Variants in MTMR10 observed in about 807,000 individuals in gnomAD.
MTMR10 encodes myotubularin-related protein 10.
Under a neutral mutation model 88.1 loss-of-function variants are expected in MTMR10, and 56 were observed. The observed-to-expected ratio is 0.64, with a 90% confidence interval of 0.51 to 0.79. MTMR10 has a LOEUF of 0.79. MTMR10 is among the 30% of genes least tolerant of loss of function. The pLI is 0.00. For missense variants in MTMR10, 883 were observed against 924.7 expected, an observed-to-expected ratio of 0.95 and a Z score of 0.58; for synonymous variants, 380 against 340.9, an observed-to-expected ratio of 1.11 and a Z score of -1.26.
rs2031326012 is a variant in MTMR10 at position 30,991,456 on chromosome 15, T to C, written c.51A>G (p.Pro17=). 2 of 1,501,076 alleles carry C rather than the reference T, an allele frequency of 1.3e-6. No individual in the cohort carries two copies. The highest frequency in any genetic ancestry group is 1.8e-6 in the Non-Finnish European group (2 of 1,131,400). 93.0% of individuals were successfully genotyped at this position (1,501,076 alleles called of 1,614,324 possible). ...PKPTFRSYLL[P]PPQTDDKINS... ...GGGAGGGGTTGTTTACCTGGGGCGG[T>C]GGCAGGAGGTAGGACCTGAAGGTGG... is the stretch of plus-strand genomic sequence containing the variant. Residue 17 remains proline (P), a synonymous_variant, in exon 1 of 16, where the codon CCA becomes CCG. Coordinates refer to ENST00000435680, the MANE Select transcript of MTMR10 (RefSeq NM_017762.3).
chr15:30,939,224 C>T lies in MTMR10; in HGVS notation c.*2246G>A. ...AGTTAGCTATTTTTGGTTTCAAAAT[C>T]AGTTTCCATCATAAAATAACAGCAA... is the stretch of plus-strand genomic sequence containing the variant. On this transcript the variant is annotated 3_prime_UTR_variant, in exon 16 of 16. Coordinates refer to ENST00000435680, the MANE Select transcript of MTMR10 (RefSeq NM_017762.3). The T allele has an allele frequency of 1.0e-6, 1 of 985,422 alleles. No individual in the cohort carries two copies. The allele number at this position is 985,422 out of a possible 1,614,324, so 61.0% of individuals were successfully genotyped here.
chr15:30,991,105 G>C (rs1368395389), intron 1 of MTMR10, among the ~76,000 whole-genome samples: 1 of 152,200 alleles, frequency 6.6e-6, no homozygotes, highest in Non-Finnish European at 1.5e-5. Flanking sequence ...GTGACCCCAA[G>C]CGCTGCAATC....
intron 5 of MTMR10, among the ~76,000 whole-genome samples, chr15:30,970,869 A>G (rs16956415): frequency 0.015 from 2,276 of 152,278 alleles, 57 homozygotes; most frequent in African/African-American, 0.052. Context: ...ATATTGTAAA[A>G]CTGCAAGTCA....
intron 5 of MTMR10, among the ~76,000 whole-genome samples, chr15:30,970,268 G>A (rs1421982981): frequency 6.6e-6 from 1 of 152,090 alleles, no homozygotes. Flanking sequence ...TTACATTCTA[G>A]TGGGAAGACA....
chr15:30,930,240 A>G, the MTMR10 span, among the ~76,000 whole-genome samples: 117 of 151,780 alleles, frequency 7.7e-4, 1 homozygote, highest in East Asian at 0.017. Flanking sequence ...CTATGAGGCC[A>G]TGCTGTCGCG....
In MTMR10 at chr15:30,940,345, A is replaced by AAAGT. The variant is rs1454906798; in HGVS notation, c.*1121_*1124dup. The AAAGT allele has an allele frequency of 1.0e-6, 1 of 985,458 alleles. No homozygotes were observed. Among genetic ancestry groups the AAAGT allele is most frequent in the East Asian group, 1.1e-4 (1 of 8,818 alleles). 61.0% of individuals were successfully genotyped at this position (985,458 alleles called of 1,614,324 possible). On this transcript the variant is annotated 3_prime_UTR_variant, in exon 16 of 16. Coordinates refer to ENST00000435680, the MANE Select transcript of MTMR10 (RefSeq NM_017762.3). ...CTCATTCTCCTCAACTTTGCTGTCCAAAGTTGGGGGCTGGGGGAGCACTTC... is the reference window on the plus strand; with the variant it reads ...CTCATTCTCCTCAACTTTGCTGTCCAAAGTAAGTTGGGGGCTGGGGGAGCACTTC...
At chr15:30,926,480 T>C in the MTMR10 span, 1 of 263,022 alleles carries the variant, frequency 3.8e-6, no homozygotes, top group South Asian at 1.4e-4. Flanking sequence ...ATGATTTCAG[T>C]ATTCCCCGAG....
intron 14 of MTMR10, among the ~76,000 whole-genome samples, chr15:30,945,558 G>A (rs531296093): frequency 1.7e-4 from 26 of 152,262 alleles, no homozygotes; most frequent in Non-Finnish European, 2.9e-4. Context: ...CACTGTGTGC[G>A]CACGGGGTAG....
the MTMR10 span, chr15:30,925,775 T>C: frequency 6.2e-7 from 1 of 1,613,880 alleles, no homozygotes; most frequent in Admixed American, 1.7e-5. Flanking sequence ...GATGTTATTC[T>C]GCTGCTGTTT....
chr15:30,978,693 A>G (rs2030338206), intron 2 of MTMR10, among the ~76,000 whole-genome samples: 1 of 152,212 alleles, frequency 6.6e-6, no homozygotes, highest in Non-Finnish European at 1.5e-5. Flanking sequence ...TTGCACCCAA[A>G]GAGGTTAAAT....
At chr15:30,932,095 GCCTGTAGTC>G in the MTMR10 span, among the ~76,000 whole-genome samples, 1 of 151,562 alleles carries the variant, frequency 6.6e-6, no homozygotes, top group Non-Finnish European at 1.5e-5. Context: ...GGTGGCGGGC[GCCTGTAGTC>G]CCAGCTACTT....
At chr15:30,961,098 A>G (rs1361041270) in intron 6 of MTMR10, 25 bp from the exon 7 acceptor site, 13 of 1,531,440 alleles carry the variant, frequency 8.5e-6, no homozygotes, top group Admixed American at 2.0e-5. Flanking sequence ...AACATTATGA[A>G]TTTTAACAGT....
At position 30,952,031 on chromosome 15, in the gene MTMR10, G is replaced by A. The variant is rs1180184871; in HGVS notation, c.1144C>T (p.Leu382Phe). 2 of 1,613,330 alleles carry A rather than the reference G, an allele frequency of 1.2e-6. No homozygotes were observed. The highest frequency in any genetic ancestry group is 1.7e-5 in the Admixed American group (1 of 59,994). ...TRWLEYVRAF[L>F]KHSAELVYML... ...TATACAAGTTCTGCTGAATGCTTAA[G>A]GAATGCCCTGAAGAGAGAAAAGGAA... The change falls in exon 12 of 16, where the codon CTT (leucine) becomes TTT (phenylalanine). Residue 382 changes from leucine to phenylalanine, a missense_variant. Physicochemically the swap from Leu to Phe is conservative, Grantham distance 22. Coordinates refer to ENST00000435680, the MANE Select transcript of MTMR10 (RefSeq NM_017762.3).
At chr15:30,971,886 T>C in intron 5 of MTMR10, among the ~76,000 whole-genome samples, 1 of 152,130 alleles carries the variant, frequency 6.6e-6, no homozygotes, top group East Asian at 1.9e-4. Context: ...ATAATGAGGA[T>C]GAATATTAAT....
Position 30,946,467 on chromosome 15 carries a change from G to A in MTMR10, c.1548+663C>T, listed in dbSNP as rs145407046. The A allele has an allele frequency of 2.0e-3, 785 of 393,586 alleles. 2 individuals are homozygous for A. The highest frequency in any genetic ancestry group is 3.0e-3 in the Non-Finnish European group (657 of 219,250). 24.4% of individuals were successfully genotyped at this position (393,586 alleles called of 1,614,324 possible). On this transcript the variant is annotated intron_variant, in intron 14 of 15. Coordinates refer to ENST00000435680, the MANE Select transcript of MTMR10 (RefSeq NM_017762.3). ...GGTTTCCCGCTCCCTAGGTCACACT[G>A]CCTAGCCCAGGGCCTTACGGCTGAG...
chr15:30,920,659 A>G, the MTMR10 span: 1 of 1,538,350 alleles, frequency 6.5e-7, no homozygotes, highest in Non-Finnish European at 9.0e-7. Flanking sequence ...ATGAGGTTAG[A>G]GCACAGGTCC....
intron 14 of MTMR10, chr15:30,946,592 C>T (rs1260689394): frequency 4.8e-6 from 3 of 623,208 alleles, no homozygotes; most frequent in Non-Finnish European, 8.6e-6. Flanking sequence ...TCAATGGTCT[C>T]CACGGCATTT....
At position 30,974,448 on chromosome 15, in the gene MTMR10, G is replaced by T; in HGVS notation, c.340C>A (p.His114Asn). Residue 114 changes from histidine (H) to asparagine (N), a missense_variant, in exon 5 of 16, where the codon CAC (histidine) becomes AAC (asparagine). His to Asn is a moderately conservative substitution (Grantham distance 68, BLOSUM62 1). Coordinates refer to ENST00000435680, the MANE Select transcript of MTMR10 (RefSeq NM_017762.3). ...CIEQIVTVND[H>N]KRKQKVLGPN... is the part of the protein sequence containing the mutation. ...CCTAGGACTTTCTGCTTCCTCTTGT[G>T]GTCGTTTACTAAAAAAGAAAAAAAA... 2 of 1,525,504 alleles carry T rather than the reference G, an allele frequency of 1.3e-6. No homozygotes were observed. Among genetic ancestry groups the T allele is most frequent in the South Asian group, 1.3e-5 (1 of 75,244 alleles). 94.5% of individuals were successfully genotyped at this position (1,525,504 alleles called of 1,614,324 possible).
At chr15:30,978,977 C>T (rs1524877) in intron 2 of MTMR10, among the ~76,000 whole-genome samples, 123,891 of 151,968 alleles carry the variant, frequency 0.82, 50,708 homozygotes, top group East Asian at 0.97. Context: ...ACATAAACCT[C>T]ACCAATTCCC....
Sources: gnomAD v4.1 joint callset for allele counts (sites outside exome capture counted in the v4.1 genomes callset) on GRCh38, gnomAD v4.1.1 for gene constraint, MANE v1.5 for transcripts, NCBI Gene and HGNC (gene_info 2026-07-23, HGNC 2026-07-21) for gene names.